The following MROH2B variants were observed in gnomAD, a reference collection of about 807,000 sequenced individuals.
The protein encoded by MROH2B is maestro heat-like repeat-containing protein family member 2B.
MROH2B carries 177 observed loss-of-function variants against 208.6 expected under a neutral mutation model. That is an observed-to-expected ratio of 0.85 (90% CI 0.75 to 0.96). MROH2B has a LOEUF of 0.96. MROH2B is among the 40% of genes least tolerant of loss of function. The probability of loss-of-function intolerance (pLI) is 0.00; values close to 1 mark genes in which losing one functional copy is unlikely to be tolerated. For missense variants in MROH2B, 2,002 were observed against 1,878.7 expected, an observed-to-expected ratio of 1.07 and a Z score of -1.21; for synonymous variants, 728 against 659.0, an observed-to-expected ratio of 1.10 and a Z score of -1.60.
At chr5:41,025,178 T>C (rs1742305864) in intron 24 of MROH2B, among the ~76,000 whole-genome samples, 2 of 151,482 alleles carry the variant, frequency 1.3e-5, no homozygotes, top group Non-Finnish European at 2.9e-5. Context: ...AAGAAATAAC[T>C]AAGATCAGAG....
At chr5:41,069,839 C>T in intron 1 of MROH2B, 87 bp from the exon 2 acceptor site, 1 of 998,774 alleles carries the variant, frequency 1.0e-6, no homozygotes, top group Admixed American at 2.1e-5. Flanking sequence ...AAAGTTCATT[C>T]ATTCATTTAT....
At chr5:41,024,948 C>T (rs1390593066) in intron 24 of MROH2B, among the ~76,000 whole-genome samples, 21 of 152,074 alleles carry the variant, frequency 1.4e-4, no homozygotes, top group South Asian at 8.3e-4. Flanking sequence ...GGGTACATAA[C>T]GAAATGAAGG....
Position 41,058,209 on chromosome 5 carries a change from C to A in MROH2B, c.616-6G>T. 6.6e-7 allele frequency: 1 copy of A among 1,522,662 alleles called. No individual in the cohort carries two copies. Among genetic ancestry groups the A allele is most frequent in the Non-Finnish European group, 8.8e-7 (1 of 1,132,364 alleles). 94.3% of individuals were successfully genotyped at this position (1,522,662 alleles called of 1,614,324 possible). Reference sequence around the variant, plus strand: ...GCCTTAACGATGCTCAAAGTCTGTACAGGCAGCAAACAAATACCGTTTCTG... The same window carrying A: ...GCCTTAACGATGCTCAAAGTCTGTAAAGGCAGCAAACAAATACCGTTTCTG... On this transcript the variant is annotated splice_polypyrimidine_tract_variant and splice_region_variant and intron_variant, in intron 6 of 41. Transcript: ENST00000399564.
chr5:41,069,078 A>C (rs1743899164), intron 2 of MROH2B, among the ~76,000 whole-genome samples: 1 of 152,156 alleles, frequency 6.6e-6, no homozygotes, highest in Non-Finnish European at 1.5e-5. Context: ...TGTTGTTCTT[A>C]GTTGAGCAAG....
intron 9 of MROH2B, among the ~76,000 whole-genome samples, chr5:41,056,431 A>G (rs963366023): frequency 6.6e-6 from 1 of 152,178 alleles, no homozygotes; most frequent in Non-Finnish European, 1.5e-5. Flanking sequence ...AAAGGTATGC[A>G]TACACATGAC....
At chr5:41,000,423 A>C (rs1741354613) in intron 38 of MROH2B, 72 bp from the exon 39 acceptor site, 6 of 1,568,810 alleles carry the variant, frequency 3.8e-6, no homozygotes, top group African/African-American at 1.4e-5. Flanking sequence ...AAAATGCTGA[A>C]TAGTACTGGG....
intron 24 of MROH2B, among the ~76,000 whole-genome samples, chr5:41,023,186 G>A (rs1006540707): frequency 2.0e-5 from 3 of 152,208 alleles, no homozygotes; most frequent in Admixed American, 1.3e-4. Flanking sequence ...AACAAAGCTG[G>A]ACGGAGAATG....
At chr5:41,003,052 C>T (rs780186893) in intron 37 of MROH2B, among the ~76,000 whole-genome samples, 2 of 151,564 alleles carry the variant, frequency 1.3e-5, no homozygotes, top group Admixed American at 6.6e-5. Flanking sequence ...CCTCTGCCTC[C>T]CGTGTTCAAG....
chr5:41,064,413 T>G (rs1743734210), intron 5 of MROH2B, 59 bp downstream of exon 5: 3 of 1,410,098 alleles, frequency 2.1e-6, no homozygotes, highest in Non-Finnish European at 3.0e-6. Context: ...TTTTGCTTAA[T>G]TTGTAAGACA....
intron 9 of MROH2B, among the ~76,000 whole-genome samples, chr5:41,056,463 G>GA (rs1038392303): frequency 1.3e-5 from 2 of 152,104 alleles, no homozygotes; most frequent in African/African-American, 4.8e-5. Context: ...CAAGGAGGTA[G>GA]AAGTGATGTA....
At chr5:41,053,012 G>T (rs1187722471) in intron 11 of MROH2B, among the ~76,000 whole-genome samples, 1 of 151,690 alleles carries the variant, frequency 6.6e-6, no homozygotes, top group Non-Finnish European at 1.5e-5. Context: ...GGTTATGAAA[G>T]AGTCACCAGA....
intron 22 of MROH2B, 57 bp downstream of exon 22, chr5:41,033,781 T>TTTTC (rs1554049322): frequency 1.3e-6 from 1 of 770,634 alleles, no homozygotes; most frequent in East Asian, 3.0e-5. Flanking sequence ...CAGGGGGGCA[T>TTTTC]TATCTATCTA....
chr5:41,048,108 T>C (rs1328926383), intron 16 of MROH2B: 1 of 519,640 alleles, frequency 1.9e-6, no homozygotes, highest in African/African-American at 2.0e-5. Context: ...AAATTCCTGC[T>C]AAGAATGTTA....
At chr5:41,045,631 T>C (rs2150173516) in intron 18 of MROH2B, 115 bp downstream of exon 18, 2 of 766,962 alleles carry the variant, frequency 2.6e-6, no homozygotes, top group East Asian at 2.6e-5. Context: ...GGGAACTCTT[T>C]TTTTTTTTAA....
intron 17 of MROH2B, 100 bp downstream of exon 17, chr5:41,047,621 T>C: frequency 9.4e-7 from 1 of 1,066,612 alleles, no homozygotes; most frequent in Non-Finnish European, 1.4e-6. Flanking sequence ...GAAAAGGTTG[T>C]TTATTATCCT....
At chr5:41,029,739 A>G (rs1040516835) in intron 24 of MROH2B, among the ~76,000 whole-genome samples, 20 of 152,154 alleles carry the variant, frequency 1.3e-4, no homozygotes, top group Admixed American at 7.2e-4. Context: ...AACACAGGCA[A>G]CAAAAGTAAA....
chr5:41,005,437 C>T (rs1741554459), intron 35 of MROH2B, 94 bp downstream of exon 35: 4 of 234,448 alleles, frequency 1.7e-5, no homozygotes, highest in South Asian at 4.0e-5. Context: ...TGAAGTCTCT[C>T]TTCCCTGGTT....
chr5:41,030,270 T>A (rs1183607722), intron 24 of MROH2B, among the ~76,000 whole-genome samples: 1 of 151,870 alleles, frequency 6.6e-6, no homozygotes, highest in African/African-American at 2.4e-5. Flanking sequence ...AAATACCACC[T>A]CACACCCATT....
chr5:41,000,731 TC>T lies in MROH2B; in HGVS notation c.4296del (p.Ser1433AlafsTer2), dbSNP rs2111785979. Reference sequence around the variant, plus strand: ...AGGTGCAGAAGGAATGAAATCAGGCTCTTTTTTATTTCTTCAGCAAAAAAAA... The same window carrying T: ...AGGTGCAGAAGGAATGAAATCAGGCTTTTTTTATTTCTTCAGCAAAAAAAA... Reference protein sequence around the residue: ...WKIFFAEEIKKSLISFLLHLW... With the variant: ...WKIFFAEEIKXSLISFLLHLW... On this transcript the variant is annotated frameshift_variant, in exon 38 of 42. Transcript: ENST00000399564. LOFTEE classifies it high-confidence loss of function. 6.2e-7 allele frequency: 1 copy of T among 1,612,348 alleles called. No individual in the cohort carries two copies. The highest frequency in any genetic ancestry group is 2.2e-5 in the East Asian group (1 of 44,850).
Sources: gnomAD v4.1 joint callset for allele counts (sites outside exome capture counted in the v4.1 genomes callset) on GRCh38, gnomAD v4.1.1 for gene constraint, MANE v1.5 for transcripts, NCBI Gene and HGNC (gene_info 2026-07-23, HGNC 2026-07-21) for gene names.